Variants in FGF13 observed in about 807,000 individuals in gnomAD.
FGF13 encodes fibroblast growth factor 13.
A neutral mutation model predicts 19.5 loss-of-function variants in FGF13; 2 were observed. The observed-to-expected ratio is 0.10, with a 90% CI of 0.04 to 0.32. FGF13 has a LOEUF of 0.32. FGF13 is among the 10% of genes least tolerant of loss of function. The pLI, the probability that FGF13 is intolerant of heterozygous loss-of-function variation, is 1.00. For missense variants in FGF13, 113 were observed against 192.7 expected (o/e 0.59, Z 2.45); for synonymous variants, 72 against 76.9 (o/e 0.94, Z 0.33).
chrX:138,922,899 T>C (rs1031996781), intron 1 of FGF13, among the ~76,000 whole-genome samples: 1 of 111,936 alleles, frequency 8.9e-6, no homozygotes, highest in Non-Finnish European at 1.9e-5. Flanking sequence ...TTCAACACCA[T>C]AAATCCACAT....
At chrX:139,109,524 C>T (rs2083586134) in intron 1 of FGF13, among the ~76,000 whole-genome samples, 1 of 111,531 alleles carries the variant, frequency 9.0e-6, no homozygotes, top group Admixed American at 9.6e-5. Flanking sequence ...CTAGGGCTTT[C>T]TCGGCTATTA....
intron 3 of FGF13, among the ~76,000 whole-genome samples, chrX:138,700,669 G>A (rs1306886483): frequency 1.8e-5 from 2 of 111,569 alleles, no homozygotes; most frequent in African/African-American, 3.3e-5. Context: ...TTTATTTCCT[G>A]GAGCAGACTA....
intron 3 of FGF13, among the ~76,000 whole-genome samples, chrX:138,820,326 CAT>C (rs1319660577): frequency 1.8e-5 from 2 of 111,764 alleles, no homozygotes; most frequent in African/African-American, 6.5e-5. Flanking sequence ...ATTCCACAAA[CAT>C]GTACTGAAAA....
Position 139,156,961 on chromosome X carries a change from C to T in FGF13, c.-113+46455G>A, listed in dbSNP as rs758099136. On this transcript the variant is annotated intron_variant, in intron 1 of 2. Coordinates refer to the FGF13 transcript ENST00000421460. Reference sequence around the variant, plus strand: ...GGAAAACAAGAACCAAACAAGAGGCCGCTGAGAAAATCTAGGAGCACAACA... The same window carrying T: ...GGAAAACAAGAACCAAACAAGAGGCTGCTGAGAAAATCTAGGAGCACAACA... 4.1e-4 allele frequency among the ~76,000 whole-genome samples: 46 copies of T among 111,383 alleles called. 1 individual carries two copies. The highest frequency in any genetic ancestry group is 9.3e-3 in the Middle Eastern group (2 of 216).
intron 3 of FGF13, among the ~76,000 whole-genome samples, chrX:138,837,400 C>T (rs2091120657): frequency 9.0e-6 from 1 of 111,526 alleles, no homozygotes; most frequent in Non-Finnish European, 1.9e-5. Flanking sequence ...GTGCGAGGCT[C>T]CACCTGGTGA....
At chrX:138,897,816 C>T (rs1311866382) in intron 1 of FGF13, among the ~76,000 whole-genome samples, 1 of 111,498 alleles carries the variant, frequency 9.0e-6, no homozygotes, top group African/African-American at 3.3e-5. Flanking sequence ...TAAGAATGCA[C>T]TTCACAGCCT....
intron 1 of FGF13, among the ~76,000 whole-genome samples, chrX:138,874,105 T>C (rs2091374030): frequency 9.5e-6 from 1 of 104,918 alleles, no homozygotes; most frequent in Non-Finnish European, 1.9e-5. Flanking sequence ...TATACATATG[T>C]AACAAACCTG....
At chrX:138,890,587 T>C (rs2091472059) in intron 1 of FGF13, among the ~76,000 whole-genome samples, 1 of 112,139 alleles carries the variant, frequency 8.9e-6, no homozygotes, top group Admixed American at 9.5e-5. Context: ...ATTATTCTTA[T>C]TTTACTGATA....
At chrX:139,003,610 G>T (rs1257940012) in intron 1 of FGF13, among the ~76,000 whole-genome samples, 1 of 50,979 alleles carries the variant, frequency 2.0e-5, no homozygotes, top group Non-Finnish European at 4.5e-5. Flanking sequence ...GTCCCCATCA[G>T]ATTAGTTAGA....
intron 3 of FGF13, among the ~76,000 whole-genome samples, chrX:138,638,479 A>G (rs1241997332): frequency 9.0e-6 from 1 of 111,609 alleles, no homozygotes; most frequent in Non-Finnish European, 1.9e-5. Flanking sequence ...TACACCTGTT[A>G]TCTGTGCTCC....
rs766853222 is a variant in FGF13, at chrX:138,900,774, A to G, written c.-112-36124T>C. On this transcript the variant is annotated intron_variant, in intron 1 of 2. Transcript: ENST00000421460. ...GGCCTACAAGGCTTTATATGACATT[A>G]CCCCTGGCCACTTCCCTGGCCTTAT... Among the ~76,000 whole-genome samples, 8 of 111,317 alleles carry G rather than the reference A, an allele frequency of 7.2e-5. No individual in the cohort carries two copies. The East Asian group carries it at 2.3e-3, about 32-fold the overall frequency.
chrX:138,765,580 A>T (rs1361121931), intron 3 of FGF13, among the ~76,000 whole-genome samples: 1 of 111,934 alleles, frequency 8.9e-6, no homozygotes, highest in Non-Finnish European at 1.9e-5. Flanking sequence ...CCTGGAGGAG[A>T]TTTCAGAAAA....
intron 1 of FGF13, among the ~76,000 whole-genome samples, chrX:138,944,075 T>C (rs1445935861): frequency 9.0e-6 from 1 of 111,262 alleles, no homozygotes; most frequent in Non-Finnish European, 1.9e-5. Context: ...ATTTATGGAA[T>C]GCCTATACAA....
chrX:139,126,421 T>A (rs917013548), intron 1 of FGF13, among the ~76,000 whole-genome samples: 1 of 111,036 alleles, frequency 9.0e-6, no homozygotes, highest in South Asian at 3.9e-4. Context: ...CCTGCCCCTA[T>A]CAAAGTACGA....
chrX:138,928,338 A>G (rs1402263203), intron 1 of FGF13, among the ~76,000 whole-genome samples: 1 of 110,850 alleles, frequency 9.0e-6, no homozygotes, highest in Non-Finnish European at 1.9e-5. Context: ...TTTTAAAGTA[A>G]GCAATAGGCA....
chrX:138,673,842 C>G (rs1038713731), intron 3 of FGF13, among the ~76,000 whole-genome samples: 1 of 110,089 alleles, frequency 9.1e-6, no homozygotes. Context: ...TATATAAGAA[C>G]AAGGAAAAGG....
rs1040017461 is a variant in FGF13, at chrX:138,630,809, C to G, written c.*2041G>C. ...ACGATGGGGGTCACATACCAATAAACCCATCTTAAGTTGAAAATGCATTTA... is the reference window on the plus strand; with the variant it reads ...ACGATGGGGGTCACATACCAATAAAGCCATCTTAAGTTGAAAATGCATTTA... On this transcript the variant is annotated 3_prime_UTR_variant, in exon 5 of 5. Coordinates refer to ENST00000315930, the MANE Select transcript of FGF13 (RefSeq NM_004114.5). 2 of 111,702 alleles carry G rather than the reference C, an allele frequency of 1.8e-5. No individual in the cohort carries two copies. The highest frequency in any genetic ancestry group is 3.2e-5 in the African/African-American group (1 of 30,838). 9.2% of individuals were successfully genotyped at this position (111,702 alleles called of 1,213,427 possible). A position where few individuals can be genotyped will look rare whatever the true frequency, so the allele number is the denominator to read the frequency against.
chrX:139,019,978 G>A (rs2092170872), intron 1 of FGF13, among the ~76,000 whole-genome samples: 1 of 109,743 alleles, frequency 9.1e-6, no homozygotes, highest in African/African-American at 3.3e-5. Flanking sequence ...GTATCACATT[G>A]AGCCCTGAAG....
chrX:138,700,388 G>A (rs146972852), intron 3 of FGF13, among the ~76,000 whole-genome samples: 74 of 111,680 alleles, frequency 6.6e-4, no homozygotes, highest in African/African-American at 2.2e-3. Flanking sequence ...ATGGTTTTAC[G>A]CAAGGGAAGA....
Sources: allele counts gnomAD v4.1 joint callset (sites outside exome capture counted in the v4.1 genomes callset), GRCh38; gene constraint gnomAD v4.1.1; transcripts MANE v1.5; gene names NCBI Gene and HGNC (gene_info 2026-07-23, HGNC 2026-07-21).